Variants in GPC6 observed in about 807,000 individuals in gnomAD.
GPC6 encodes the protein glypican-6.
In GPC6, 14 loss-of-function variants were observed where a neutral mutation model predicts 55.2. The observed-to-expected ratio is 0.25, with a 90% confidence interval of 0.17 to 0.40. The LOEUF (loss-of-function observed/expected upper bound fraction) is 0.40, where lower values mean the gene tolerates loss of function less well. Ranked by LOEUF, GPC6 falls within the 10% of genes least tolerant of loss-of-function variation. The probability of loss-of-function intolerance (pLI) is 1.00; values close to 1 mark genes in which losing one functional copy is unlikely to be tolerated. For synonymous variants in GPC6, 278 were observed against 259.6 expected (o/e 1.07, Z -0.68); for missense variants, 641 against 708.5 (o/e 0.90, Z 1.08).
At position 93,830,258 on chromosome 13, in the gene GPC6, C is replaced by A; in HGVS notation, c.424C>A (p.Leu142Ile). 6.2e-7 allele frequency: 1 copy of A among 1,612,188 alleles called. No individual in the cohort carries two copies. Among genetic ancestry groups the A allele is most frequent in the East Asian group, 2.2e-5 (1 of 44,818 alleles). ...GCAGAATTCAGAAGTCTTCCAGGAC[C>A]TCTTCACAGAGCTGAAAAGGTACTA... is the stretch of plus-strand genomic sequence containing the variant. ...YMQNSEVFQD[L>I]FTELKRYYTG... The change falls in exon 3 of 9, where the codon CTC becomes ATC. Residue 142 changes from leucine (L) to isoleucine (I), a missense_variant. Transcript: ENST00000377047.
intron 2 of GPC6, among the ~76,000 whole-genome samples, chr13:93,685,735 A>C (rs773528879): frequency 2.7e-4 from 41 of 152,294 alleles, no homozygotes; most frequent in Non-Finnish European, 4.9e-4. Flanking sequence ...AACAAACAAA[A>C]AAACAAACAG....
intron 2 of GPC6, among the ~76,000 whole-genome samples, chr13:93,802,896 G>A (rs533042313): frequency 6.6e-6 from 1 of 152,086 alleles, no homozygotes; most frequent in Non-Finnish European, 1.5e-5. Context: ...TGTCAATTAA[G>A]AGTTTTCTCT....
At chr13:93,715,598 C>T (rs1883223639) in intron 2 of GPC6, among the ~76,000 whole-genome samples, 3 of 151,650 alleles carry the variant, frequency 2.0e-5, no homozygotes, top group Admixed American at 1.3e-4. Context: ...CAAACTTATA[C>T]ATATATCCTC....
chr13:93,424,629 T>G (rs200723254), intron 1 of GPC6, among the ~76,000 whole-genome samples: 11 of 127,188 alleles, frequency 8.6e-5, no homozygotes, highest in Middle Eastern at 8.9e-3. Context: ...CATCATCATC[T>G]TCATCATCAT....
intron 1 of GPC6, among the ~76,000 whole-genome samples, chr13:93,489,525 G>A (rs1477806526): frequency 6.6e-6 from 1 of 151,438 alleles, no homozygotes; most frequent in Non-Finnish European, 1.5e-5. Flanking sequence ...TTGGTAGCTT[G>A]ATGGGGATGG....
At chr13:93,826,924 A>G (rs1200410019) in intron 2 of GPC6, among the ~76,000 whole-genome samples, 2 of 152,118 alleles carry the variant, frequency 1.3e-5, no homozygotes, top group African/African-American at 4.8e-5. Context: ...ACTTGAGACA[A>G]TCTGCCCTGA....
At chr13:94,395,057 C>A (rs537605919) in intron 7 of GPC6, among the ~76,000 whole-genome samples, 168 of 152,270 alleles carry the variant, frequency 1.1e-3, no homozygotes, top group African/African-American at 4.0e-3. Flanking sequence ...AGGAGCAATG[C>A]CAGAATCGAC....
chr13:94,116,526 T>C (rs1393519699), intron 4 of GPC6, among the ~76,000 whole-genome samples: 1 of 152,122 alleles, frequency 6.6e-6, no homozygotes, highest in Non-Finnish European at 1.5e-5. Context: ...TTAATAAATA[T>C]GACCATGTAT....
chr13:93,881,185 G>A (rs1874952402), intron 3 of GPC6, among the ~76,000 whole-genome samples: 1 of 152,062 alleles, frequency 6.6e-6, no homozygotes, highest in Admixed American at 6.6e-5. Context: ...GGGTGCACTG[G>A]TGAGAAGTCC....
intron 1 of GPC6, among the ~76,000 whole-genome samples, chr13:93,383,298 A>G (rs891378479): frequency 3.9e-5 from 6 of 152,028 alleles, no homozygotes; most frequent in African/African-American, 1.5e-4. Context: ...TGCAGCCCTG[A>G]CCTCCCAGGC....
intron 4 of GPC6, among the ~76,000 whole-genome samples, chr13:94,179,705 G>C (rs1888915498): frequency 3.3e-5 from 5 of 152,150 alleles, no homozygotes; most frequent in Admixed American, 2.6e-4. Flanking sequence ...TCTGTAGTTA[G>C]CTGAGAAAGC....
At chr13:93,314,745 G>A (rs1042097520) in intron 1 of GPC6, among the ~76,000 whole-genome samples, 3 of 151,282 alleles carry the variant, frequency 2.0e-5, no homozygotes, top group African/African-American at 7.3e-5. Flanking sequence ...GTGTGTGTGT[G>A]TGTGTGTGTG....
intron 3 of GPC6, among the ~76,000 whole-genome samples, chr13:94,003,432 C>A (rs1881892683): frequency 6.6e-6 from 1 of 152,146 alleles, no homozygotes; most frequent in Non-Finnish European, 1.5e-5. Context: ...ACAAGAGGAG[C>A]ACTGCTCTTA....
intron 3 of GPC6, among the ~76,000 whole-genome samples, chr13:93,852,180 C>A (rs961642759): frequency 6.6e-6 from 1 of 151,756 alleles, no homozygotes; most frequent in Admixed American, 6.6e-5. Flanking sequence ...TATATCTACT[C>A]TAGTCTCATT....
At chr13:94,328,540 C>T (rs1877242348) in intron 6 of GPC6, among the ~76,000 whole-genome samples, 1 of 152,192 alleles carries the variant, frequency 6.6e-6, no homozygotes, top group Non-Finnish European at 1.5e-5. Context: ...TCACTCATGG[C>T]AGCTGCCGTC....
chr13:93,339,579 G>A (rs1052333679), intron 1 of GPC6, among the ~76,000 whole-genome samples: 1 of 152,188 alleles, frequency 6.6e-6, no homozygotes, highest in Non-Finnish European at 1.5e-5. Flanking sequence ...CTACACTGAG[G>A]TTAGGAACTG....
intron 4 of GPC6, among the ~76,000 whole-genome samples, chr13:94,266,148 T>C (rs9561527): frequency 0.033 from 3,436 of 103,896 alleles, 108 homozygotes; most frequent in East Asian, 0.15. Flanking sequence ...TTACTTTTCT[T>C]TTCTTTTTTT....
chr13:94,398,725 A>G (rs1365752649), intron 8 of GPC6, 84 bp downstream of exon 8: 1 of 1,061,314 alleles, frequency 9.4e-7, no homozygotes, highest in Non-Finnish European at 1.4e-6. Context: ...TTCAAGAGCA[A>G]TATGCCCTTT....
chr13:93,760,506 C>T (rs1265476247), intron 2 of GPC6, among the ~76,000 whole-genome samples: 4 of 152,148 alleles, frequency 2.6e-5, no homozygotes. Flanking sequence ...CTTCAGAGCT[C>T]GGAGGGCATC....
Sources: gnomAD v4.1 joint callset for allele counts (sites outside exome capture counted in the v4.1 genomes callset) on GRCh38, gnomAD v4.1.1 for gene constraint, MANE v1.5 for transcripts, NCBI Gene and HGNC (gene_info 2026-07-23, HGNC 2026-07-21) for gene names.